CPNE4: variants seen among roughly 807,000 people sequenced by gnomAD.
CPNE4 encodes copine-4.
CPNE4 carries 25 observed loss-of-function variants against 67.9 expected under a neutral mutation model. That is an observed-to-expected ratio of 0.37 (90% CI 0.27 to 0.51). CPNE4 has a LOEUF of 0.51. Among genes scored for constraint, CPNE4 ranks in the 20% least tolerant of loss-of-function variants. The pLI, the probability that CPNE4 is intolerant of heterozygous loss-of-function variation, is 0.93. For synonymous variants in CPNE4, 242 were observed against 244.9 expected (o/e 0.99, Z 0.11); for missense variants, 464 against 690.8 (o/e 0.67, Z 3.68).
chr3:131,653,085 A>G (rs2079853157), intron 7 of CPNE4, among the ~76,000 whole-genome samples: 1 of 151,450 alleles, frequency 6.6e-6, no homozygotes. Context: ...GTGATCTGGT[A>G]CCAAGTTCTG....
rs149655724 is a variant in CPNE4, at chr3:131,818,155, T to G, written c.180+87109A>C. 2.2e-3 allele frequency among the ~76,000 whole-genome samples: 338 copies of G among 152,346 alleles called. 1 individual carries two copies. Among genetic ancestry groups the G allele is most frequent in the African/African-American group, 7.8e-3 (324 of 41,578 alleles). ...TACTGTCAGTGTCAAGAAATTGGTT[T>G]TTTTTGGGAAAACACAAAACTGCTT... On this transcript the variant is annotated intron_variant, in intron 2 of 15. Transcript: ENST00000429747.
intron 3 of CPNE4, 73 bp from the exon 4 acceptor site, chr3:131,700,053 CCTTTTT>C: frequency 2.9e-6 from 1 of 345,124 alleles, no homozygotes; most frequent in Non-Finnish European, 4.7e-6. Flanking sequence ...ATTTTTTAAA[CCTTTTT>C]TTTTTTTTTT....
chr3:131,549,684 T>A (rs182125531), intron 14 of CPNE4, among the ~76,000 whole-genome samples: 2 of 152,208 alleles, frequency 1.3e-5, no homozygotes, highest in East Asian at 3.9e-4. Flanking sequence ...GTAGCTTCCA[T>A]TGTTGAGTTT....
At chr3:131,955,245 T>C (rs1035539443) in intron 1 of CPNE4, among the ~76,000 whole-genome samples, 1 of 151,958 alleles carries the variant, frequency 6.6e-6, no homozygotes, top group African/African-American at 2.4e-5. Flanking sequence ...ATATAAAATT[T>C]GTCATAGCTT....
At chr3:131,724,850 T>G (rs1177531423) in intron 2 of CPNE4, among the ~76,000 whole-genome samples, 1 of 152,240 alleles carries the variant, frequency 6.6e-6, no homozygotes, top group Non-Finnish European at 1.5e-5. Flanking sequence ...ATCTGTTTTC[T>G]ACTAGGATCC....
intron 11 of CPNE4, among the ~76,000 whole-genome samples, chr3:131,562,920 A>C (rs1936854322): frequency 6.6e-6 from 1 of 152,076 alleles, no homozygotes. Context: ...GAGAGGAATT[A>C]TCAGCAAGGG....
chr3:131,685,306 C>T (rs2080862613), intron 6 of CPNE4, among the ~76,000 whole-genome samples: 3 of 151,370 alleles, frequency 2.0e-5, no homozygotes, highest in African/African-American at 7.3e-5. Context: ...AGTATTTATA[C>T]TTTTATTATG....
intron 1 of CPNE4, among the ~76,000 whole-genome samples, chr3:131,946,368 GACTAAATA>G (rs1190325681): frequency 1.3e-5 from 2 of 152,084 alleles, no homozygotes; most frequent in Non-Finnish European, 2.9e-5. Context: ...TCCTTTTTAT[GACTAAATA>G]TATAATATTC....
In CPNE4 at chr3:131,743,853, C is replaced by T. The variant is rs1451594766; in HGVS notation, c.181-20228G>A. 2.1e-5 allele frequency among the ~76,000 whole-genome samples: 3 copies of T among 145,902 alleles called. No homozygotes were observed. The East Asian group carries it at 6.4e-4, about 31-fold the overall frequency. On this transcript the variant is annotated intron_variant, in intron 2 of 15. Coordinates refer to ENST00000429747, the MANE Select transcript of CPNE4 (RefSeq NM_130808.3). ...TAGCGGGCGCCTGTAGTCCCAGCTA[C>T]TCGGGAGGCTGAGGCAGGAGAATGG...
intron 7 of CPNE4, among the ~76,000 whole-genome samples, chr3:131,647,816 TAACATTTCCTACC>T (rs1158488248): frequency 6.6e-6 from 1 of 152,164 alleles, no homozygotes; most frequent in Non-Finnish European, 1.5e-5. Flanking sequence ...CTCTGGGCAA[TAACATTTCCTACC>T]AAATTTATTG....
intron 2 of CPNE4, among the ~76,000 whole-genome samples, chr3:131,772,987 G>A (rs925986913): frequency 1.3e-5 from 2 of 152,092 alleles, no homozygotes. Flanking sequence ...AGAATGTATT[G>A]ACTCTTTTGG....
chr3:131,848,707 A>T (rs774491770), intron 2 of CPNE4, among the ~76,000 whole-genome samples: 2 of 151,356 alleles, frequency 1.3e-5, no homozygotes, highest in Admixed American at 6.6e-5. Flanking sequence ...CTCAACCCCA[A>T]TTTGGTTCAT....
At chr3:132,031,062 T>TAA (rs879790095) in intron 1 of CPNE4, among the ~76,000 whole-genome samples, 197 of 152,296 alleles carry the variant, frequency 1.3e-3, no homozygotes, top group Non-Finnish European at 2.3e-3. Flanking sequence ...AAAGAAAATA[T>TAA]TATAAGATTT....
intron 2 of CPNE4, among the ~76,000 whole-genome samples, chr3:131,729,983 T>C (rs930614066): frequency 6.6e-6 from 1 of 152,250 alleles, no homozygotes; most frequent in African/African-American, 2.4e-5. Flanking sequence ...GGCACTTACA[T>C]GTTATCTTCT....
intron 2 of CPNE4, among the ~76,000 whole-genome samples, chr3:131,763,104 A>T (rs2082929676): frequency 1.3e-5 from 2 of 152,124 alleles, no homozygotes; most frequent in African/African-American, 4.8e-5. Context: ...TATTTCCCCC[A>T]AGAAGTTCTG....
Position 131,798,026 on chromosome 3 carries a change from A to G in CPNE4, c.181-74401T>C, listed in dbSNP as rs555680765. 2.0e-5 allele frequency among the ~76,000 whole-genome samples: 3 copies of G among 152,302 alleles called. No individual in the cohort carries two copies. The South Asian group carries it at 6.2e-4, about 32-fold the overall frequency. ...CTATGTCCTCAAATGACTGAGAAAG[A>G]GACCTCTGGTGGCTCTTTCTTTCTT... On this transcript the variant is annotated intron_variant, in intron 2 of 15. Coordinates refer to ENST00000429747, the MANE Select transcript of CPNE4 (RefSeq NM_130808.3).
At chr3:131,997,997 G>T (rs1045032481) in intron 1 of CPNE4, among the ~76,000 whole-genome samples, 3 of 152,034 alleles carry the variant, frequency 2.0e-5, no homozygotes, top group Non-Finnish European at 4.4e-5. Flanking sequence ...CTCTTCTTAG[G>T]CCCCACCTCC....
chr3:131,790,632 T>G (rs1363610325), intron 2 of CPNE4, among the ~76,000 whole-genome samples: 1 of 152,176 alleles, frequency 6.6e-6, no homozygotes, highest in African/African-American at 2.4e-5. Context: ...GACTCAGCTG[T>G]GGCATCACCT....
At chr3:131,865,133 C>G (rs146174736) in intron 2 of CPNE4, among the ~76,000 whole-genome samples, 1 of 152,066 alleles carries the variant, frequency 6.6e-6, no homozygotes, top group African/African-American at 2.4e-5. Flanking sequence ...ATTTTTGCTT[C>G]GATGTTCATC....
Sources: gnomAD v4.1 joint callset for allele counts (sites outside exome capture counted in the v4.1 genomes callset) on GRCh38, gnomAD v4.1.1 for gene constraint, MANE v1.5 for transcripts, NCBI Gene and HGNC (gene_info 2026-07-23, HGNC 2026-07-21) for gene names.